SLC44A1: variants seen among roughly 807,000 people sequenced by gnomAD.
The protein encoded by SLC44A1 is choline transporter-like protein 1.
A neutral mutation model predicts 79.3 loss-of-function variants in SLC44A1; 26 were observed. That is an observed-to-expected ratio of 0.33 (90% CI 0.24 to 0.46). SLC44A1 has a LOEUF of 0.46. Among genes scored for constraint, SLC44A1 ranks in the 20% least tolerant of loss-of-function variants. SLC44A1 has a pLI of 1.00. For synonymous variants in SLC44A1, 263 were observed against 286.2 expected (o/e 0.92, Z 0.82); for missense variants, 688 against 798.1 (o/e 0.86, Z 1.66).
intron 3 of SLC44A1, among the ~76,000 whole-genome samples, 160 bp from the exon 4 acceptor site, chr9:105,335,399 TGTTA>T (rs1290295457): frequency 6.6e-6 from 1 of 152,192 alleles, no homozygotes; most frequent in African/African-American, 2.4e-5. Flanking sequence ...CTATTCCCAC[TGTTA>T]GTCTGTTAAT....
At chr9:105,340,692 A>G (rs77245983) in intron 4 of SLC44A1, among the ~76,000 whole-genome samples, 1 of 152,216 alleles carries the variant, frequency 6.6e-6, no homozygotes, top group Non-Finnish European at 1.5e-5. Flanking sequence ...ATGCTTTTCA[A>G]AGAATTTTAA....
chr9:105,377,409 G>A (rs1358999645), intron 13 of SLC44A1, among the ~76,000 whole-genome samples: 5 of 152,170 alleles, frequency 3.3e-5, no homozygotes, highest in African/African-American at 9.6e-5. Flanking sequence ...CTTTATTGTA[G>A]TAAGATGATG....
chr9:105,310,317 A>G (rs1251618277), intron 3 of SLC44A1, among the ~76,000 whole-genome samples: 1 of 152,138 alleles, frequency 6.6e-6, no homozygotes, highest in Admixed American at 6.6e-5. Flanking sequence ...TCAGTTTCCA[A>G]CTTTATAAAA....
intron 3 of SLC44A1, among the ~76,000 whole-genome samples, chr9:105,318,719 G>C (rs1345116992): frequency 6.8e-6 from 1 of 146,472 alleles, no homozygotes; most frequent in African/African-American, 2.8e-5. Context: ...TTTGAAAGAG[G>C]AGATCCAGCT....
In SLC44A1 at chr9:105,395,684, A is replaced by G; in HGVS notation, c.*6628A>G. 9.1e-6 allele frequency: 9 copies of G among 985,412 alleles called. No homozygotes were observed. Among genetic ancestry groups the G allele is most frequent in the Non-Finnish European group, 1.1e-5 (9 of 829,912 alleles). The allele number at this position is 985,412 out of a possible 1,614,324, so 61.0% of individuals were successfully genotyped here. ...AAAGGGAATATTCTGACCTTCGTGT[A>G]TGAATCTGATCCACCCATCCTGTCA... On this transcript the variant is annotated 3_prime_UTR_variant, in exon 16 of 16. Transcript: ENST00000374720.
chr9:105,401,831 C>T (rs1686362746), downstream of SLC44A1, among the ~76,000 whole-genome samples: 1 of 152,156 alleles, frequency 6.6e-6, no homozygotes, highest in Non-Finnish European at 1.5e-5. Context: ...ATTCTGGGAG[C>T]TCAGTTCTAA....
chr9:105,317,508 T>C (rs1831359090), intron 3 of SLC44A1, among the ~76,000 whole-genome samples: 2 of 152,024 alleles, frequency 1.3e-5, no homozygotes, highest in Admixed American at 1.3e-4. Context: ...GTACACATAA[T>C]GGTGATTGGA....
At chr9:105,246,124 AT>A (rs1829439552) in intron 1 of SLC44A1, among the ~76,000 whole-genome samples, 1 of 152,156 alleles carries the variant, frequency 6.6e-6, no homozygotes, top group African/African-American at 2.4e-5. Flanking sequence ...GAAATAAAGG[AT>A]GGTTGGTTCT....
At chr9:105,425,112 A>G (rs1437805293) in intron 15 of SLC44A1, among the ~76,000 whole-genome samples, 1 of 152,190 alleles carries the variant, frequency 6.6e-6, no homozygotes, top group Non-Finnish European at 1.5e-5. Context: ...AACAAAAATG[A>G]TTGTATTACC....
rs1323595037 is a variant in SLC44A1, at chr9:105,309,610, A to G, written c.127-114A>G. On this transcript the variant is annotated intron_variant, in intron 2 of 15. Coordinates refer to ENST00000374720, the MANE Select transcript of SLC44A1 (RefSeq NM_080546.5). ...AGTGGAATAGTGTTTGCAGTAAGAA[A>G]AGATAGCTCTTTGTTCCCTTCAGCA... 5.6e-6 allele frequency: 5 copies of G among 888,768 alleles called. No homozygotes were observed. In the East Asian group the frequency reaches 1.0e-4, roughly 18 times the overall value. 55.1% of individuals were successfully genotyped at this position (888,768 alleles called of 1,614,324 possible). A position where few individuals can be genotyped will look rare whatever the true frequency, so the allele number is the denominator to read the frequency against.
chr9:105,395,988 G>A lies in SLC44A1; in HGVS notation c.*6932G>A, dbSNP rs1440473458. On this transcript the variant is annotated 3_prime_UTR_variant, in exon 16 of 16. Coordinates refer to ENST00000374720, the MANE Select transcript of SLC44A1 (RefSeq NM_080546.5). ...TTGGGGGCTGGTGATTTGAAACAGG[G>A]ACTATTAAGTAGATTTTCCCCCATC... The A allele has an allele frequency of 1.0e-6, 1 of 984,972 alleles. No individual in the cohort carries two copies. Among genetic ancestry groups the A allele is most frequent in the Non-Finnish European group, 1.2e-6 (1 of 829,792 alleles). 61.0% of individuals were successfully genotyped at this position (984,972 alleles called of 1,614,324 possible). A position where few individuals can be genotyped will look rare whatever the true frequency, so the allele number is the denominator to read the frequency against.
At chr9:105,258,639 C>T (rs943851122) in intron 1 of SLC44A1, among the ~76,000 whole-genome samples, 1 of 152,110 alleles carries the variant, frequency 6.6e-6, no homozygotes, top group South Asian at 2.1e-4. Context: ...TTAGATACCA[C>T]TTTTTTGTCT....
intron 4 of SLC44A1, among the ~76,000 whole-genome samples, chr9:105,342,155 T>A (rs1827113048): frequency 6.6e-6 from 1 of 152,260 alleles, no homozygotes; most frequent in Non-Finnish European, 1.5e-5. Context: ...ATAGTTTTAC[T>A]GTTCAATTTC....
At chr9:105,421,318 T>A (rs992265898) in intron 15 of SLC44A1, among the ~76,000 whole-genome samples, 2 of 152,222 alleles carry the variant, frequency 1.3e-5, no homozygotes, top group Non-Finnish European at 2.9e-5. Context: ...AAGGGCTTTC[T>A]AGGCATTATC....
At position 105,424,950 on chromosome 9, in the gene SLC44A1, A is replaced by G. The variant is rs1469971600; in HGVS notation, c.1951-13331A>G. ...GGCAACAGAGTAAGACTCCATCTCA[A>G]AAAAAAAAAAAAGAAAAGAAAGAAA... On this transcript the variant is annotated intron_variant, in intron 15 of 15. Coordinates refer to the SLC44A1 transcript ENST00000374724. Among the ~76,000 whole-genome samples the G allele has an allele frequency of 2.1e-5, 3 of 144,922 alleles. No homozygotes were observed. The South Asian group carries it at 6.3e-4, about 30-fold the overall frequency.
intron 15 of SLC44A1, among the ~76,000 whole-genome samples, chr9:105,402,510 G>A (rs1237923135): frequency 6.6e-6 from 1 of 152,152 alleles, no homozygotes; most frequent in East Asian, 1.9e-4. Flanking sequence ...TACCTTTTCT[G>A]TTCCATGCTA....
chr9:105,275,658 T>C (rs1204008119), intron 1 of SLC44A1, among the ~76,000 whole-genome samples: 1 of 152,210 alleles, frequency 6.6e-6, no homozygotes, highest in Non-Finnish European at 1.5e-5. Context: ...GAAAAATGAA[T>C]GCAGTCTCCT....
intron 1 of SLC44A1, among the ~76,000 whole-genome samples, chr9:105,292,114 A>G (rs574401385): frequency 5.8e-4 from 89 of 152,244 alleles, no homozygotes; most frequent in Admixed American, 4.4e-3. Context: ...CGAGGCTGCT[A>G]TTTATTGTTA....
intron 2 of SLC44A1, among the ~76,000 whole-genome samples, chr9:105,308,370 A>G (rs942411456): frequency 5.3e-5 from 8 of 152,208 alleles, no homozygotes; most frequent in Admixed American, 2.0e-4. Flanking sequence ...ATGAGCTACA[A>G]TTATCTCAAT....
Sources: gnomAD v4.1 joint callset for allele counts (sites outside exome capture counted in the v4.1 genomes callset) on GRCh38, gnomAD v4.1.1 for gene constraint, MANE v1.5 for transcripts, NCBI Gene and HGNC (gene_info 2026-07-23, HGNC 2026-07-21) for gene names.